MARCHF1: variants seen among roughly 807,000 people sequenced by gnomAD.
MARCHF1 encodes E3 ubiquitin-protein ligase MARCHF1.
In MARCHF1, 40 loss-of-function variants were observed where a neutral mutation model predicts 54.2. The ratio of observed to expected loss-of-function variants is 0.74; its 90% CI spans 0.57 to 0.96. The LOEUF is 0.96. Among genes scored for constraint, MARCHF1 ranks in the 40% least tolerant of loss-of-function variants. MARCHF1 has a pLI of 0.00. For synonymous variants in MARCHF1, 236 were observed against 236.3 expected (o/e 1.00, Z 0.01); for missense variants, 586 against 656.5 (o/e 0.89, Z 1.17).
chr4:164,087,822 G>C (rs1214217225), intron 2 of MARCHF1, among the ~76,000 whole-genome samples: 1 of 139,452 alleles, frequency 7.2e-6, no homozygotes, highest in African/African-American at 2.8e-5. Flanking sequence ...TTTTTTTTCT[G>C]TGCCTCATAG....
intron 1 of MARCHF1, among the ~76,000 whole-genome samples, chr4:164,140,366 AC>A (rs1335495481): frequency 1.3e-5 from 2 of 151,912 alleles, no homozygotes; most frequent in African/African-American, 4.8e-5. Context: ...CATTTGTCTT[AC>A]TTGAGTTTCT....
intron 1 of MARCHF1, among the ~76,000 whole-genome samples, chr4:164,253,495 AATAAC>A (rs1220256866): frequency 2.0e-5 from 3 of 152,206 alleles, no homozygotes; most frequent in Non-Finnish European, 4.4e-5. Context: ...TCAGAACTAA[AATAAC>A]AGACAGTAGG....
intron 4 of MARCHF1, among the ~76,000 whole-genome samples, chr4:163,764,212 G>A (rs1410631522): frequency 1.3e-5 from 2 of 151,970 alleles, no homozygotes; most frequent in African/African-American, 4.8e-5. Flanking sequence ...CCAGGTCTCA[G>A]TAACTTACAA....
chr4:163,569,304 C>G (rs1739752919), intron 8 of MARCHF1, among the ~76,000 whole-genome samples: 1 of 152,082 alleles, frequency 6.6e-6, no homozygotes, highest in South Asian at 2.1e-4. Context: ...ATGTCTCTGT[C>G]TACTCTGTGT....
intron 1 of MARCHF1, among the ~76,000 whole-genome samples, chr4:164,289,512 C>T (rs1159402335): frequency 1.3e-5 from 2 of 148,874 alleles, no homozygotes; most frequent in South Asian, 2.2e-4. Context: ...GATGCAGCCA[C>T]TTTTCTGTGA....
intron 3 of MARCHF1, among the ~76,000 whole-genome samples, chr4:163,912,975 A>G (rs1751227608): frequency 6.6e-6 from 1 of 152,232 alleles, no homozygotes; most frequent in African/African-American, 2.4e-5. Context: ...CTCTTCCTAG[A>G]TAAATGACAC....
intron 1 of MARCHF1, chr4:164,189,049 C>A: frequency 1.5e-6 from 1 of 689,334 alleles, no homozygotes; most frequent in East Asian, 2.5e-5. Context: ...GTTGTTCCAC[C>A]TGGGTGGCAG....
chr4:164,215,053 C>T (rs978208481), intron 1 of MARCHF1, among the ~76,000 whole-genome samples: 6 of 152,178 alleles, frequency 3.9e-5, no homozygotes, highest in African/African-American at 1.4e-4. Context: ...GTTTAGCCGT[C>T]CGTAGTCGGC....
rs538402254 is a variant in MARCHF1, at chr4:164,197,061, G to T, written c.-322-85399C>A. Reference sequence around the variant, plus strand: ...CACCAAGCTCTTCTTCATCTTCCTCGCCATCTACCTCTCCATCGTTATAAC... The same window carrying T: ...CACCAAGCTCTTCTTCATCTTCCTCTCCATCTACCTCTCCATCGTTATAAC... On this transcript the variant is annotated intron_variant, in intron 1 of 9. Coordinates refer to ENST00000514618, the MANE Select transcript of MARCHF1 (RefSeq NM_001394959.1). The T allele has an allele frequency of 9.0e-5, 145 of 1,604,888 alleles. No homozygotes were observed. In the South Asian group the frequency reaches 1.6e-3, roughly 17 times the overall value.
chr4:163,588,164 C>T (rs548519639), intron 7 of MARCHF1, among the ~76,000 whole-genome samples: 15 of 152,266 alleles, frequency 9.9e-5, no homozygotes, highest in African/African-American at 3.1e-4. Flanking sequence ...AGGGAAGGTC[C>T]GTATTAATGT....
chr4:163,528,868 C>G lies in MARCHF1; in HGVS notation c.1518G>C (p.Lys506Asn). The G allele has an allele frequency of 2.5e-6, 4 of 1,613,280 alleles. No homozygotes were observed. The highest frequency in any genetic ancestry group is 2.2e-5 in the South Asian group (2 of 91,070). Residue 506 changes from lysine (K) to asparagine (N), a missense_variant, in exon 10 of 10, where the codon AAG (lysine) becomes AAC (asparagine). Around this residue, in one of 3 missense-constraint regions of MARCHF1, gnomAD observed 106 missense variants for 93.8 expected, o/e 1.13. Coordinates refer to ENST00000514618, the MANE Select transcript of MARCHF1 (RefSeq NM_001394959.1). ...NCPDTAKKLEKNFSCNVNTDI... is the reference protein window; with the variant it reads ...NCPDTAKKLENNFSCNVNTDI... The stretch of plus-strand genomic sequence containing the variant: ...CTGTGTTTACATTACATGAGAAGTT[C>G]TTCTCCAGTTTTTTGGCAGTGTCTG...
At chr4:163,733,209 A>ATACATACACATGTG (rs1745916089) in intron 4 of MARCHF1, among the ~76,000 whole-genome samples, 1 of 35,712 alleles carries the variant, frequency 2.8e-5, no homozygotes, top group East Asian at 7.5e-4. Context: ...ATATATATAT[A>ATACATACACATGTG]TATATATATA....
chr4:163,631,657 C>A (rs1271755791), intron 5 of MARCHF1, among the ~76,000 whole-genome samples: 1 of 152,086 alleles, frequency 6.6e-6, no homozygotes, highest in East Asian at 1.9e-4. Context: ...ATAAACAATA[C>A]ACAGATACAA....
chr4:163,760,642 A>T (rs574394700), intron 4 of MARCHF1, among the ~76,000 whole-genome samples: 1 of 152,218 alleles, frequency 6.6e-6, no homozygotes, highest in Non-Finnish European at 1.5e-5. Flanking sequence ...AATTTGCATT[A>T]AAAGGCGATT....
At chr4:163,770,950 A>G (rs1326553902) in intron 4 of MARCHF1, among the ~76,000 whole-genome samples, 1 of 152,250 alleles carries the variant, frequency 6.6e-6, no homozygotes, top group Non-Finnish European at 1.5e-5. Context: ...GCAGTGATTG[A>G]AAAAAGTTTC....
intron 1 of MARCHF1, among the ~76,000 whole-genome samples, chr4:164,195,518 A>G (rs1343769693): frequency 6.6e-6 from 1 of 152,204 alleles, no homozygotes; most frequent in East Asian, 1.9e-4. Context: ...ATGAAAATAG[A>G]AAGTTATTCT....
intron 1 of MARCHF1, among the ~76,000 whole-genome samples, chr4:164,150,546 C>A (rs925699486): frequency 6.6e-5 from 10 of 152,132 alleles, no homozygotes; most frequent in African/African-American, 1.9e-4. Context: ...TTGCCCTACT[C>A]TGGTGGTCTT....
At chr4:163,700,933 A>G (rs771823309) in intron 4 of MARCHF1, 70 bp from the exon 5 acceptor site, 99 of 1,061,058 alleles carry the variant, frequency 9.3e-5, no homozygotes, top group Non-Finnish European at 1.3e-4. Flanking sequence ...ACCACTGAGA[A>G]GAGAAACCAC....
intron 1 of MARCHF1, among the ~76,000 whole-genome samples, chr4:164,302,087 A>T (rs1052745344): frequency 6.6e-6 from 1 of 152,208 alleles, no homozygotes; most frequent in African/African-American, 2.4e-5. Context: ...ACCAATGGGC[A>T]TTCAGAACCT....
Sources: gnomAD v4.1 joint callset for allele counts (sites outside exome capture counted in the v4.1 genomes callset) on GRCh38, gnomAD v4.1.1 for gene constraint, gnomAD v4.1.1 regional missense constraint, MANE v1.5 for transcripts, NCBI Gene and HGNC (gene_info 2026-07-23, HGNC 2026-07-21) for gene names.